Variants in TRPC5 observed in about 807,000 individuals in gnomAD.
The protein encoded by TRPC5 is short transient receptor potential channel 5.
TRPC5 carries 9 observed loss-of-function variants against 56.5 expected under a neutral mutation model. The ratio of observed to expected loss-of-function variants is 0.16; its 90% CI spans 0.10 to 0.28. The LOEUF (loss-of-function observed/expected upper bound fraction) is 0.28, where lower values mean the gene tolerates loss of function less well. Among genes scored for constraint, TRPC5 ranks in the 10% least tolerant of loss-of-function variants. The pLI is 1.00. For synonymous variants in TRPC5, 282 were observed against 278.5 expected, an observed-to-expected ratio of 1.01 and a Z score of -0.13; for missense variants, 469 against 748.9, an observed-to-expected ratio of 0.63 and a Z score of 4.36.
Position 112,050,928 on chromosome X carries a change from G to A in TRPC5, c.-22+30951C>T, listed in dbSNP as rs149231381. On this transcript the variant is annotated intron_variant, in intron 1 of 10. Coordinates refer to ENST00000262839, the MANE Select transcript of TRPC5 (RefSeq NM_012471.3). ...TAACTGACTTCTCTAAGTTCCCATGGTTAGCAACAGGCCTAAGACTATAAT... is the reference window on the plus strand; with the variant it reads ...TAACTGACTTCTCTAAGTTCCCATGATTAGCAACAGGCCTAAGACTATAAT... Among the ~76,000 whole-genome samples the A allele has an allele frequency of 6.4e-3, 714 of 112,132 alleles. 4 individuals carry two copies. The highest frequency in any genetic ancestry group is 0.022 in the African/African-American group (688 of 30,879).
At chrX:111,896,886 G>C (rs1021301843) in intron 3 of TRPC5, among the ~76,000 whole-genome samples, 2 of 111,623 alleles carry the variant, frequency 1.8e-5, no homozygotes, top group Non-Finnish European at 3.8e-5. Flanking sequence ...TAACTTCATA[G>C]GCTGATTTTA....
At chrX:111,888,510 CA>C (rs200585074) in intron 3 of TRPC5, among the ~76,000 whole-genome samples, 8,753 of 65,174 alleles carry the variant, frequency 0.13, 1,332 homozygotes, top group African/African-American at 0.41. Flanking sequence ...CCGTCTCTAC[CA>C]AAAAAAAAAA....
At chrX:111,842,721 G>A (rs1922796767) in intron 6 of TRPC5, among the ~76,000 whole-genome samples, 1 of 112,250 alleles carries the variant, frequency 8.9e-6, no homozygotes, top group East Asian at 2.8e-4. Context: ...CTAATAAGAT[G>A]AAATATATAG....
chrX:111,815,728 C>T (rs1248849681), intron 7 of TRPC5, among the ~76,000 whole-genome samples: 3 of 109,912 alleles, frequency 2.7e-5, no homozygotes, highest in African/African-American at 3.3e-5. Context: ...GAGAATCACA[C>T]ACACATATAT....
rs891723626 is a variant in TRPC5 at position 111,775,625 on chromosome X, C to G, written c.*688G>C. On this transcript the variant is annotated 3_prime_UTR_variant, in exon 11 of 11. Coordinates refer to ENST00000262839, the MANE Select transcript of TRPC5 (RefSeq NM_012471.3). ...CCTAACTTATTAGATATGACATATACTATGGGGTAAATATTTCATTGGCAC... is the reference window on the plus strand; with the variant it reads ...CCTAACTTATTAGATATGACATATAGTATGGGGTAAATATTTCATTGGCAC... 1 of 112,165 alleles carries G rather than the reference C, an allele frequency of 8.9e-6. No individual in the cohort carries two copies. The highest frequency in any genetic ancestry group is 1.9e-5 in the Non-Finnish European group (1 of 53,255). 9.2% of individuals were successfully genotyped at this position (112,165 alleles called of 1,213,427 possible). A position where few individuals can be genotyped will look rare whatever the true frequency, so the allele number is the denominator to read the frequency against.
intron 3 of TRPC5, among the ~76,000 whole-genome samples, chrX:111,890,526 T>C (rs1269227008): frequency 9.0e-6 from 1 of 110,687 alleles, no homozygotes; most frequent in Non-Finnish European, 1.9e-5. Context: ...CGGGTTTTAG[T>C]ATCTGTGGAA....
chrX:112,079,515 A>G (rs184730781), intron 1 of TRPC5, among the ~76,000 whole-genome samples: 1 of 112,167 alleles, frequency 8.9e-6, no homozygotes, highest in Admixed American at 9.4e-5. Context: ...ATATGAGTTG[A>G]TTTCTGGATT....
rs779453613 is a variant in TRPC5 at position 111,821,556 on chromosome X, T to C, written c.1896+13365A>G. On this transcript the variant is annotated intron_variant, in intron 7 of 10. Transcript: ENST00000262839. ...CCTCCTTGCCCTTCTGCCTCTCACATTGAGCCAGGCTATGGCACAAGGCTC... is the reference window on the plus strand; with the variant it reads ...CCTCCTTGCCCTTCTGCCTCTCACACTGAGCCAGGCTATGGCACAAGGCTC... Among the ~76,000 whole-genome samples, 63 of 111,900 alleles carry C rather than the reference T, an allele frequency of 5.6e-4. No homozygotes were observed. The Middle Eastern group carries it at 0.014, about 25-fold the overall frequency.
At chrX:112,079,825 G>T (rs1258878024) in intron 1 of TRPC5, among the ~76,000 whole-genome samples, 1 of 111,359 alleles carries the variant, frequency 9.0e-6, no homozygotes, top group Non-Finnish European at 1.9e-5. Flanking sequence ...GAAGCCGGGG[G>T]CTACATTGGT....
In TRPC5 at chrX:111,851,575, G is replaced by A. The variant is rs1176779434; in HGVS notation, c.1377+723C>T. 2.7e-5 allele frequency among the ~76,000 whole-genome samples: 3 copies of A among 109,378 alleles called. No homozygotes were observed. The East Asian group carries it at 8.6e-4, about 31-fold the overall frequency. 95.0% of individuals were successfully genotyped at this position (109,378 alleles called of 115,157 possible). A position where few individuals can be genotyped will look rare whatever the true frequency, so the allele number is the denominator to read the frequency against. ...TTATCTGAATTGGTAGAGAAGCACA[G>A]GTTGGGTGATACTAAAAATGCTGGA... is the stretch of plus-strand genomic sequence containing the variant. On this transcript the variant is annotated intron_variant, in intron 5 of 10. Coordinates refer to ENST00000262839, the MANE Select transcript of TRPC5 (RefSeq NM_012471.3).
intron 3 of TRPC5, among the ~76,000 whole-genome samples, 174 bp from the exon 4 acceptor site, chrX:111,854,280 A>G (rs56331756): frequency 0.019 from 2,085 of 111,723 alleles, 48 homozygotes; most frequent in African/African-American, 0.065. Flanking sequence ...ACGGCTCTTC[A>G]TGTCAAACTA....
At chrX:111,906,077 G>A (rs199662414) in intron 3 of TRPC5, among the ~76,000 whole-genome samples, 4 of 110,775 alleles carry the variant, frequency 3.6e-5, no homozygotes, top group South Asian at 7.7e-4. Context: ...TTAACAGGCC[G>A]GGCGCGGTGG....
In TRPC5 at chrX:111,802,537, T is replaced by C. The variant is rs750960472; in HGVS notation, c.1897-20399A>G. Among the ~76,000 whole-genome samples the C allele has an allele frequency of 2.1e-4, 23 of 112,042 alleles. No individual in the cohort carries two copies. The South Asian group carries it at 4.1e-3, about 20-fold the overall frequency. ...CAATTACTGTACCATGTATCCATCA[T>C]TGGCTTTTTAAAAATCACTCTACAC... is the stretch of plus-strand genomic sequence containing the variant. On this transcript the variant is annotated intron_variant, in intron 7 of 10. Coordinates refer to ENST00000262839, the MANE Select transcript of TRPC5 (RefSeq NM_012471.3).
intron 3 of TRPC5, among the ~76,000 whole-genome samples, chrX:111,860,143 C>T (rs1462103789): frequency 8.9e-6 from 1 of 112,545 alleles, no homozygotes; most frequent in Non-Finnish European, 1.9e-5. Context: ...CTCCTGACCT[C>T]GTGATCCGCC....
intron 1 of TRPC5, among the ~76,000 whole-genome samples, chrX:112,038,291 A>C (rs1929800271): frequency 8.9e-6 from 1 of 112,395 alleles, no homozygotes; most frequent in Non-Finnish European, 1.9e-5. Context: ...CATGTATTGT[A>C]CACTTCGTTG....
At chrX:111,791,865 G>A (rs1946023941) in intron 7 of TRPC5, among the ~76,000 whole-genome samples, 1 of 112,329 alleles carries the variant, frequency 8.9e-6, no homozygotes, top group Admixed American at 9.4e-5. Context: ...TGGTGGGAGT[G>A]TAAATTAGTT....
At chrX:111,965,026 T>C (rs1178840246) in intron 1 of TRPC5, among the ~76,000 whole-genome samples, 4 of 111,611 alleles carry the variant, frequency 3.6e-5, no homozygotes, top group Admixed American at 9.5e-5. Flanking sequence ...AGACACAAAC[T>C]GGCAAATTGG....
chrX:111,896,905 ATTAAATG>A (rs753625524), intron 3 of TRPC5, among the ~76,000 whole-genome samples: 165 of 112,061 alleles, frequency 1.5e-3, no homozygotes, highest in Non-Finnish European at 2.7e-3. Flanking sequence ...TATTGTGAGG[ATTAAATG>A]TACTACAGGT....
chrX:111,873,098 G>C (rs763491742), intron 3 of TRPC5, among the ~76,000 whole-genome samples: 13 of 111,119 alleles, frequency 1.2e-4, no homozygotes, highest in Non-Finnish European at 2.1e-4. Flanking sequence ...CAAAGACATG[G>C]AATCAACCCA....
Sources: gnomAD v4.1 joint callset for allele counts (sites outside exome capture counted in the v4.1 genomes callset) on GRCh38, gnomAD v4.1.1 for gene constraint, MANE v1.5 for transcripts, NCBI Gene and HGNC (gene_info 2026-07-23, HGNC 2026-07-21) for gene names.